NDUFAF6: variants seen among roughly 807,000 people sequenced by gnomAD.
NDUFAF6 encodes NADH:ubiquinone oxidoreductase complex assembly factor 6, also known as NADH dehydrogenase (ubiquinone) complex I, assembly factor 6.
In NDUFAF6, 45 loss-of-function variants were observed where a neutral mutation model predicts 40.8. That is an observed-to-expected ratio of 1.10 (90% CI 0.87 to 1.42). The LOEUF is 1.42. NDUFAF6 is among the 40% of genes most tolerant of loss of function. NDUFAF6 has a pLI of 0.00. For synonymous variants in NDUFAF6, 185 were observed against 155.9 expected (o/e 1.19, Z -1.39); for missense variants, 435 against 418.5 (o/e 1.04, Z -0.34).
chr8:94,983,099 A>G (rs1261142699), intron 2 of NDUFAF6, among the ~76,000 whole-genome samples: 2 of 152,184 alleles, frequency 1.3e-5, no homozygotes, highest in Non-Finnish European at 2.9e-5. Flanking sequence ...TGCAAAAACT[A>G]AAAGAAATGA....
chr8:94,987,071 G>A (rs1010160873), intron 2 of NDUFAF6, among the ~76,000 whole-genome samples: 2 of 152,152 alleles, frequency 1.3e-5, no homozygotes, highest in African/African-American at 4.8e-5. Context: ...ATCCCCATAT[G>A]TGTCCTTCCC....
At chr8:95,101,530 A>G (rs1251690844) in intron 2 of NDUFAF6, among the ~76,000 whole-genome samples, 2 of 152,152 alleles carry the variant, frequency 1.3e-5, no homozygotes, top group African/African-American at 4.8e-5. Context: ...TGCTGTCATG[A>G]TGAACTGTCT....
At chr8:94,966,485 T>C (rs574212262) in intron 1 of NDUFAF6, among the ~76,000 whole-genome samples, 3 of 152,162 alleles carry the variant, frequency 2.0e-5, no homozygotes, top group African/African-American at 4.8e-5. Flanking sequence ...TCCCAGCTAC[T>C]TGGGAGGCTG....
At chr8:95,087,330 C>T (rs540729941) in intron 2 of NDUFAF6, among the ~76,000 whole-genome samples, 1 of 152,170 alleles carries the variant, frequency 6.6e-6, no homozygotes, top group Admixed American at 6.5e-5. Flanking sequence ...TTTTTTTATA[C>T]CCATATCTGT....
At chr8:95,118,402 A>T (rs898409004), downstream of NDUFAF6, among the ~76,000 whole-genome samples, 1 of 152,186 alleles carries the variant, frequency 6.6e-6, no homozygotes, top group Non-Finnish European at 1.5e-5. Context: ...TATGTCACAG[A>T]GTGGGAAAGT....
intron 1 of NDUFAF6, among the ~76,000 whole-genome samples, chr8:94,978,101 G>C (rs961202420): frequency 6.6e-6 from 1 of 152,078 alleles, no homozygotes; most frequent in African/African-American, 2.4e-5. Context: ...GGCAACTCTT[G>C]GGGGGCTCCT....
chr8:94,938,840 G>C (rs1221838196), intron 1 of NDUFAF6, among the ~76,000 whole-genome samples: 7 of 152,314 alleles, frequency 4.6e-5, no homozygotes, highest in Non-Finnish European at 1.0e-4. Context: ...CCCAAGGAAG[G>C]GGTCGTGGGA....
At chr8:94,895,961 C>T (rs1202351650) in intron 1 of NDUFAF6, 9 of 152,658 alleles carry the variant, frequency 5.9e-5, no homozygotes, top group African/African-American at 2.2e-4. Context: ...GCTCCCTGCT[C>T]CCCCTACCGG....
At chr8:94,997,341 CACAGAGAGAGAGAG>C (rs1826492266) in intron 2 of NDUFAF6, among the ~76,000 whole-genome samples, 1 of 91,798 alleles carries the variant, frequency 1.1e-5, no homozygotes, top group Admixed American at 1.3e-4. Context: ...CACACACACA[CACAGAGAGAGAGAG>C]AGAGAGAGAG....
chr8:95,012,865 T>A (rs10100089), intron 2 of NDUFAF6, among the ~76,000 whole-genome samples: 21,774 of 151,846 alleles, frequency 0.14, 1,590 homozygotes, highest in Middle Eastern at 0.25. Context: ...TAATAAAAAC[T>A]ATGTAACTCC....
intron 1 of NDUFAF6, among the ~76,000 whole-genome samples, chr8:94,978,252 G>A (rs1285760235): frequency 6.6e-6 from 1 of 152,160 alleles, no homozygotes. Flanking sequence ...CCGATGTGAT[G>A]AAGCCTCCAT....
rs993412963 is a variant in NDUFAF6, at chr8:94,945,482, G to A, written c.-935-1G>A. The A allele has an allele frequency of 1.3e-5, 2 of 152,100 alleles. No individual in the cohort carries two copies. The highest frequency in any genetic ancestry group is 6.5e-5 in the Admixed American group (1 of 15,272). 9.4% of individuals were successfully genotyped at this position (152,100 alleles called of 1,614,324 possible). ...TCACATTATCTATTTCTGTTGAACA[G>A]GACTGTTCTAGAAAAAGTCTTAAAG... On this transcript the variant is annotated splice_acceptor_variant, in intron 1 of 14. Transcript: ENST00000396113. LOFTEE classifies it low-confidence loss of function (5UTR_SPLICE).
At chr8:95,077,029 T>C (rs1019320981), downstream of NDUFAF6, among the ~76,000 whole-genome samples, 1 of 152,090 alleles carries the variant, frequency 6.6e-6, no homozygotes, top group Non-Finnish European at 1.5e-5. Flanking sequence ...CTATAACTGA[T>C]GTCATAAGAA....
At chr8:94,981,281 T>C (rs147236751) in intron 2 of NDUFAF6, among the ~76,000 whole-genome samples, 1,577 of 152,342 alleles carry the variant, frequency 0.01, 30 homozygotes, top group African/African-American at 0.036. Flanking sequence ...TCCACTTTTC[T>C]GCCACAGTAT....
chr8:95,014,427 G>C (rs975037175), intron 2 of NDUFAF6, among the ~76,000 whole-genome samples: 2 of 152,208 alleles, frequency 1.3e-5, no homozygotes, highest in Non-Finnish European at 2.9e-5. Flanking sequence ...AAGTTGGGGG[G>C]AAAGGGAGGA....
intron 1 of NDUFAF6, among the ~76,000 whole-genome samples, chr8:94,933,840 G>GGC (rs1554630483): frequency 1.3e-5 from 2 of 148,494 alleles, no homozygotes; most frequent in Non-Finnish European, 3.0e-5. Flanking sequence ...TTTGTGGGGG[G>GGC]GGGGGGAGGA....
At chr8:95,101,658 T>G (rs781346681) in intron 2 of NDUFAF6, among the ~76,000 whole-genome samples, 5 of 152,270 alleles carry the variant, frequency 3.3e-5, no homozygotes, top group Admixed American at 6.5e-5. Flanking sequence ...GACACATGCA[T>G]AGTTTTCATA....
At chr8:95,080,237 GATTTTTTGTAGTGT>G (rs1407578290), downstream of NDUFAF6, among the ~76,000 whole-genome samples, 4 of 150,282 alleles carry the variant, frequency 2.7e-5, no homozygotes, top group African/African-American at 9.8e-5. Context: ...TTTTTGTAGT[GATTTTTTGTAGTGT>G]ATTTTTTGTA....
Position 95,058,192 on chromosome 8 carries a change from A to T in NDUFAF6, c.*255A>T. 6 of 1,420,928 alleles carry T rather than the reference A, an allele frequency of 4.2e-6. No individual in the cohort carries two copies. The highest frequency in any genetic ancestry group is 5.5e-6 in the Non-Finnish European group (6 of 1,096,658). The allele number at this position is 1,420,928 out of a possible 1,614,324, so 88.0% of individuals were successfully genotyped here. ...GCTGTCCCTGGAAGCTGGAGCTCCA[A>T]CAGGGAATATTGGTGTAGCTGTGCA... On this transcript the variant is annotated 3_prime_UTR_variant, in exon 9 of 9. Coordinates refer to ENST00000396124, the MANE Select transcript of NDUFAF6 (RefSeq NM_152416.4).
Sources: allele counts gnomAD v4.1 joint callset (sites outside exome capture counted in the v4.1 genomes callset), GRCh38; gene constraint gnomAD v4.1.1; transcripts MANE v1.5; gene names NCBI Gene and HGNC (gene_info 2026-07-23, HGNC 2026-07-21).